Variants in PDE4D observed in about 807,000 individuals in gnomAD.
The protein encoded by PDE4D is 3',5'-cyclic-AMP phosphodiesterase 4D.
Under a neutral mutation model 87.4 loss-of-function variants are expected in PDE4D, and 24 were observed. That is an observed-to-expected ratio of 0.27 (90% CI 0.20 to 0.39). The LOEUF (loss-of-function observed/expected upper bound fraction) is 0.39. Ranked by LOEUF, PDE4D falls within the 10% of genes least tolerant of loss-of-function variation. The pLI is 1.00. For missense variants in PDE4D, 714 were observed against 1,041.0 expected (o/e 0.69, Z 4.32); for synonymous variants, 384 against 383.2 (o/e 1.00, Z -0.02).
intron 6 of PDE4D, among the ~76,000 whole-genome samples, chr5:59,002,780 T>A (rs62358484): frequency 0.07 from 10,670 of 152,204 alleles, 882 homozygotes; most frequent in East Asian, 0.46. Flanking sequence ...CACAAAGCCA[T>A]GAAAACTAAT....
At chr5:59,000,676 T>C (rs1561274896) in intron 6 of PDE4D, among the ~76,000 whole-genome samples, 1 of 152,112 alleles carries the variant, frequency 6.6e-6, no homozygotes, top group Non-Finnish European at 1.5e-5. Context: ...ATCTGTATTT[T>C]GATCAGAAGA....
intron 1 of PDE4D, among the ~76,000 whole-genome samples, chr5:59,731,833 T>C (rs1757400871): frequency 1.3e-5 from 2 of 152,160 alleles, no homozygotes; most frequent in South Asian, 4.1e-4. Flanking sequence ...AAAGCAGATA[T>C]TTGTAAGTCA....
At chr5:60,135,530 C>T (rs554245112) in intron 2 of PDE4D, among the ~76,000 whole-genome samples, 2 of 152,120 alleles carry the variant, frequency 1.3e-5, no homozygotes, top group East Asian at 1.9e-4. Context: ...GAAAAACCAT[C>T]GAATACCAGA....
chr5:60,227,439 G>A (rs919647041), intron 1 of PDE4D, among the ~76,000 whole-genome samples: 3 of 151,836 alleles, frequency 2.0e-5, no homozygotes, highest in Admixed American at 6.6e-5. Context: ...CTTAGCACCC[G>A]GATGAGTCCC....
chr5:59,870,778 C>G (rs1266564415), intron 1 of PDE4D, among the ~76,000 whole-genome samples: 1 of 152,080 alleles, frequency 6.6e-6, no homozygotes, highest in Non-Finnish European at 1.5e-5. Flanking sequence ...ATTTCAGAGC[C>G]AAATTTAGTG....
chr5:59,946,270 TG>T (rs1325617802), intron 3 of PDE4D, among the ~76,000 whole-genome samples: 1 of 152,190 alleles, frequency 6.6e-6, no homozygotes, highest in Non-Finnish European at 1.5e-5. Context: ...ATAATGATAC[TG>T]GCAAAGTGGT....
chr5:59,580,971 T>C (rs72769726), intron 1 of PDE4D, among the ~76,000 whole-genome samples: 11,330 of 152,212 alleles, frequency 0.074, 593 homozygotes, highest in Admixed American at 0.14. Context: ...GAGATATATA[T>C]GTATAAATTT....
chr5:60,328,690 G>T (rs937609685), intron 1 of PDE4D, among the ~76,000 whole-genome samples: 1 of 152,166 alleles, frequency 6.6e-6, no homozygotes, highest in Non-Finnish European at 1.5e-5. Flanking sequence ...AAATGAAATA[G>T]CTAGTACATA....
intron 1 of PDE4D, among the ~76,000 whole-genome samples, chr5:60,512,051 C>T (rs957106913): frequency 1.3e-5 from 2 of 152,074 alleles, no homozygotes; most frequent in African/African-American, 2.4e-5. Context: ...CAATGAAACA[C>T]AGCTAATCAA....
At chr5:59,785,081 T>C (rs189768203) in intron 1 of PDE4D, among the ~76,000 whole-genome samples, 1 of 152,270 alleles carries the variant, frequency 6.6e-6, no homozygotes, top group East Asian at 1.9e-4. Context: ...AATGAACTAA[T>C]ACAATGGGCA....
intron 1 of PDE4D, among the ~76,000 whole-genome samples, chr5:59,677,327 T>C (rs1258888988): frequency 6.6e-6 from 1 of 152,154 alleles, no homozygotes; most frequent in Non-Finnish European, 1.5e-5. Flanking sequence ...CTGGACTCTC[T>C]TGATCCACCA....
chr5:59,042,785 C>CA (rs1759911279), intron 5 of PDE4D, among the ~76,000 whole-genome samples: 1 of 152,184 alleles, frequency 6.6e-6, no homozygotes, highest in African/African-American at 2.4e-5. Flanking sequence ...AAACAGTCCT[C>CA]AATTCTTGCG....
intron 1 of PDE4D, among the ~76,000 whole-genome samples, chr5:60,484,584 G>T (rs184722396): frequency 6.6e-6 from 1 of 152,032 alleles, no homozygotes; most frequent in Non-Finnish European, 1.5e-5. Context: ...TGCCACATTC[G>T]TTTATCACAG....
intron 1 of PDE4D, among the ~76,000 whole-genome samples, chr5:59,316,778 G>A (rs1773832086): frequency 6.6e-6 from 1 of 152,136 alleles, no homozygotes; most frequent in South Asian, 2.1e-4. Flanking sequence ...GTGAAACATG[G>A]CACAGTGACT....
intron 1 of PDE4D, among the ~76,000 whole-genome samples, chr5:59,369,658 C>G (rs922265740): frequency 1.3e-5 from 2 of 152,074 alleles, no homozygotes; most frequent in Non-Finnish European, 2.9e-5. Flanking sequence ...TATATGAGCA[C>G]CAACTCTGGA....
intron 1 of PDE4D, among the ~76,000 whole-genome samples, chr5:60,456,145 G>A (rs1746450759): frequency 6.6e-6 from 1 of 152,202 alleles, no homozygotes; most frequent in Admixed American, 6.5e-5. Flanking sequence ...GAACTCAAGA[G>A]AGACCCACGT....
At chr5:59,934,482 C>T (rs1246214746) in intron 3 of PDE4D, among the ~76,000 whole-genome samples, 1 of 152,130 alleles carries the variant, frequency 6.6e-6, no homozygotes, top group Non-Finnish European at 1.5e-5. Context: ...CCTGCATAAT[C>T]CCCAAAACTT....
chr5:59,149,705 A>ATTTTTTT (rs1561572681), intron 5 of PDE4D, among the ~76,000 whole-genome samples: 3 of 38,902 alleles, frequency 7.7e-5, no homozygotes, highest in Non-Finnish European at 1.0e-4. Flanking sequence ...TCTCTCCTCG[A>ATTTTTTT]GTTTTTTTTT....
At chr5:59,468,957 C>G (rs569971521) in intron 1 of PDE4D, among the ~76,000 whole-genome samples, 20 of 152,114 alleles carry the variant, frequency 1.3e-4, no homozygotes, top group Non-Finnish European at 2.6e-4. Flanking sequence ...ATGAGGCCTC[C>G]TGCAATATGA....
Sources: gnomAD v4.1 joint callset for allele counts (sites outside exome capture counted in the v4.1 genomes callset) on GRCh38, gnomAD v4.1.1 for gene constraint, MANE v1.5 for transcripts, NCBI Gene and HGNC (gene_info 2026-07-23, HGNC 2026-07-21) for gene names.